WASHC3: variants seen among roughly 807,000 people sequenced by gnomAD.
WASHC3 encodes the protein WASH complex subunit CCDC53.
Under a neutral mutation model 26.1 loss-of-function variants are expected in WASHC3, and 24 were observed. That is an observed-to-expected ratio of 0.92 (90% CI 0.66 to 1.29). The LOEUF (loss-of-function observed/expected upper bound fraction) is 1.29, where lower values mean the gene tolerates loss of function less well. Ranked by LOEUF, WASHC3 falls within the 50% of genes most tolerant of loss-of-function variation. The pLI is 0.00. For missense variants in WASHC3, 214 were observed against 229.6 expected, an observed-to-expected ratio of 0.93 and a Z score of 0.44; for synonymous variants, 77 against 75.7, an observed-to-expected ratio of 1.02 and a Z score of -0.09.
rs1361960511 is a variant in WASHC3 at position 102,061,281 on chromosome 12, C to T, written c.117G>A (p.Gln39=). Residue 39 remains glutamine (Q), a synonymous_variant, in exon 2 of 7, where the codon CAG becomes CAA. Transcript: ENST00000240079. ...AAACTGTAGAAAAGCGGTTGAGGAA[C>T]TGTACAGTGTGCACCACAAATTGGT... ...FLNQFVVHTV[Q]FLNRFSTVCE... 1 of 1,613,890 alleles carries T rather than the reference C, an allele frequency of 6.2e-7. No individual in the cohort carries two copies. The highest frequency in any genetic ancestry group is 8.5e-7 in the Non-Finnish European group (1 of 1,179,820).
rs530434143 is a variant in WASHC3 at position 102,057,645 on chromosome 12, GA to G, written c.150+3602del. Among the ~76,000 whole-genome samples, 7 of 150,590 alleles carry G rather than the reference GA, an allele frequency of 4.6e-5. No individual in the cohort carries two copies. In the South Asian group the frequency reaches 1.0e-3, roughly 22 times the overall value. On this transcript the variant is annotated intron_variant, in intron 2 of 6. Transcript: ENST00000240079. The stretch of plus-strand genomic sequence containing the variant: ...TAAAAGTAAACTATCTGAAAAAAAA[GA>G]AAAAAAATCTCATTTACAATAGCTA...
chr12:102,030,898 T>C (rs1372382282), intron 5 of WASHC3, among the ~76,000 whole-genome samples: 1 of 152,198 alleles, frequency 6.6e-6, no homozygotes, highest in Non-Finnish European at 1.5e-5. Flanking sequence ...ACCTGAACTT[T>C]TAGCAGTATC....
rs563701509 is a variant in WASHC3, at chr12:102,040,601, T to C, written c.325-623A>G. Among the ~76,000 whole-genome samples, 151 of 152,160 alleles carry C rather than the reference T, an allele frequency of 9.9e-4. 1 individual carries two copies. Among genetic ancestry groups the C allele is most frequent in the African/African-American group, 3.6e-3 (148 of 41,568 alleles). On this transcript the variant is annotated intron_variant, in intron 4 of 6. Coordinates refer to ENST00000240079, the MANE Select transcript of WASHC3 (RefSeq NM_016053.4). ...ACATTGTCTACAGAGTGGTTAAAAG[T>C]CATAATGTCATACTAAATATGACTT...
intron 6 of WASHC3, among the ~76,000 whole-genome samples, chr12:102,013,752 T>C (rs1213135576): frequency 3.9e-5 from 6 of 152,230 alleles, no homozygotes; most frequent in Non-Finnish European, 8.8e-5. Context: ...ACATGTTTTA[T>C]CTTTACAGAA....
At chr12:102,058,489 C>T (rs374123644) in intron 2 of WASHC3, among the ~76,000 whole-genome samples, 53 of 151,940 alleles carry the variant, frequency 3.5e-4, no homozygotes, top group African/African-American at 1.1e-3. Flanking sequence ...TAAAAGACTA[C>T]GAAGCTTTTG....
At chr12:102,061,390 A>G in intron 1 of WASHC3, 44 bp from the exon 2 acceptor site, 1 of 1,255,292 alleles carries the variant, frequency 8.0e-7, no homozygotes, top group East Asian at 2.3e-5. Flanking sequence ...GGAGGAACGT[A>G]CACAGTGCAA....
At chr12:102,017,653 ACT>A (rs1007087650) in intron 6 of WASHC3, 90 of 324,434 alleles carry the variant, frequency 2.8e-4, no homozygotes, top group Admixed American at 9.5e-4. Flanking sequence ...ATAGGTGGAA[ACT>A]CTCTTTAACC....
intron 2 of WASHC3, among the ~76,000 whole-genome samples, chr12:102,052,180 T>G (rs1191957770): frequency 6.6e-6 from 1 of 152,078 alleles, no homozygotes; most frequent in Non-Finnish European, 1.5e-5. Flanking sequence ...AAAAACACAC[T>G]GAAGAGGGTA....
intron 2 of WASHC3, among the ~76,000 whole-genome samples, chr12:102,060,837 C>T (rs1056321977): frequency 6.6e-6 from 1 of 151,488 alleles, no homozygotes; most frequent in Non-Finnish European, 1.5e-5. Context: ...TGCCTGTAAT[C>T]CCAGCTACTC....
chr12:102,044,313 T>C (rs1878066470), intron 3 of WASHC3, 101 bp from the exon 4 acceptor site: 1 of 444,616 alleles, frequency 2.2e-6, no homozygotes. Flanking sequence ...ACAAATAGGT[T>C]CACAATATCT....
chr12:102,029,719 T>G (rs1453641245), intron 5 of WASHC3, among the ~76,000 whole-genome samples: 1 of 140,576 alleles, frequency 7.1e-6, no homozygotes, highest in African/African-American at 2.5e-5. Context: ...GTTTTTCCTC[T>G]TAATTTAAGA....
At chr12:102,052,275 G>A (rs546557296) in intron 2 of WASHC3, among the ~76,000 whole-genome samples, 2 of 152,280 alleles carry the variant, frequency 1.3e-5, no homozygotes, top group East Asian at 1.9e-4. Flanking sequence ...CCAGGTGGGC[G>A]AAGGAGAGGC....
intron 4 of WASHC3, 67 bp from the exon 5 acceptor site, chr12:102,040,045 G>T: frequency 1.6e-6 from 1 of 619,466 alleles, no homozygotes; most frequent in Non-Finnish European, 2.8e-6. Context: ...TTACTTAAAA[G>T]GAATGTTTCT....
rs193221999 is a variant in WASHC3 at position 102,054,313 on chromosome 12, A to G, written c.150+6935T>C. On this transcript the variant is annotated intron_variant, in intron 2 of 6. Transcript: ENST00000240079. Reference sequence around the variant, plus strand: ...TTGACTGAATAGATACAAAAATAAGACCCAACTACCTGCTGTGTACAAGAG... The same window carrying G: ...TTGACTGAATAGATACAAAAATAAGGCCCAACTACCTGCTGTGTACAAGAG... Among the ~76,000 whole-genome samples the G allele has an allele frequency of 3.3e-5, 5 of 152,280 alleles. No homozygotes were observed. The East Asian group carries it at 9.6e-4, about 29-fold the overall frequency.
At chr12:102,049,893 T>C (rs1403453006) in intron 2 of WASHC3, among the ~76,000 whole-genome samples, 1 of 152,188 alleles carries the variant, frequency 6.6e-6, no homozygotes, top group Non-Finnish European at 1.5e-5. Flanking sequence ...AAAAAATGAA[T>C]GTAGAAGATA....
At chr12:102,059,174 C>T (rs1878707836) in intron 2 of WASHC3, among the ~76,000 whole-genome samples, 1 of 151,996 alleles carries the variant, frequency 6.6e-6, no homozygotes, top group Admixed American at 6.6e-5. Flanking sequence ...TTGAAAATTG[C>T]TAAGAGAGGC....
At chr12:102,049,078 T>G (rs1170502259) in intron 2 of WASHC3, among the ~76,000 whole-genome samples, 2 of 152,218 alleles carry the variant, frequency 1.3e-5, no homozygotes, top group Non-Finnish European at 2.9e-5. Context: ...CCTTATACAA[T>G]CCCCAGACCA....
chr12:102,050,492 A>ACACACACAC (rs1878350009), intron 2 of WASHC3: 47 of 421,590 alleles, frequency 1.1e-4, no homozygotes, highest in East Asian at 3.6e-4. Flanking sequence ...ACACACACAC[A>ACACACACAC]ATTAGCCGGG....
chr12:102,044,419 T>A (rs1878070669), intron 3 of WASHC3, among the ~76,000 whole-genome samples: 1 of 152,194 alleles, frequency 6.6e-6, no homozygotes, highest in Non-Finnish European at 1.5e-5. Context: ...TACATAACCA[T>A]CATTTTCAAA....
Sources: gnomAD v4.1 joint callset for allele counts (sites outside exome capture counted in the v4.1 genomes callset) on GRCh38, gnomAD v4.1.1 for gene constraint, MANE v1.5 for transcripts, NCBI Gene and HGNC (gene_info 2026-07-23, HGNC 2026-07-21) for gene names.